CR2: variants seen among roughly 807,000 people sequenced by gnomAD.
CR2 encodes the protein complement C3d receptor 2, also known as complement receptor type 2.
A neutral mutation model predicts 123.0 loss-of-function variants in CR2; 96 were observed. That is an observed-to-expected ratio of 0.78 (90% CI 0.66 to 0.93). The LOEUF (loss-of-function observed/expected upper bound fraction) is 0.93. CR2 is among the 40% of genes least tolerant of loss of function. The pLI is 0.00. For missense variants in CR2, 1,258 were observed against 1,361.0 expected (o/e 0.92, Z 1.19); for synonymous variants, 484 against 469.5 (o/e 1.03, Z -0.40).
chr1:207,487,970 A>G (rs1658793698), intron 19 of CR2, among the ~76,000 whole-genome samples: 1 of 152,234 alleles, frequency 6.6e-6, no homozygotes, highest in Admixed American at 6.5e-5. Context: ...GAAAGGAGGT[A>G]TTAGAGAGTT....
chr1:207,487,805 G>A (rs367952576), intron 19 of CR2, among the ~76,000 whole-genome samples: 64 of 152,290 alleles, frequency 4.2e-4, no homozygotes, highest in African/African-American at 9.9e-4. Flanking sequence ...TCCTAGCTGC[G>A]TGGGCTTAGT....
chr1:207,461,239 A>G (rs1048289584), intron 1 of CR2, among the ~76,000 whole-genome samples: 1 of 152,152 alleles, frequency 6.6e-6, no homozygotes, highest in African/African-American at 2.4e-5. Context: ...CCCTTGCCAC[A>G]TGCCTTTCCT....
intron 14 of CR2, 70 bp downstream of exon 14, chr1:207,475,286 C>T: frequency 6.5e-7 from 1 of 1,534,212 alleles, no homozygotes. Flanking sequence ...TGAATCTGCA[C>T]TTGACATTCT....
chr1:207,479,244 G>T lies in CR2; in HGVS notation c.3089-13G>T, dbSNP rs530352424. 1.9e-6 allele frequency: 3 copies of T among 1,584,532 alleles called. No homozygotes were observed. Among genetic ancestry groups the T allele is most frequent in the African/African-American group, 2.7e-5 (2 of 74,388 alleles). Reference sequence around the variant, plus strand: ...TACTGATAATCATTTTCATGATTTTGTACTATTTTTAGGTTCACTTGCTCC... The same window carrying T: ...TACTGATAATCATTTTCATGATTTTTTACTATTTTTAGGTTCACTTGCTCC... On this transcript the variant is annotated splice_polypyrimidine_tract_variant and intron_variant, in intron 16 of 19. Transcript: ENST00000367057.
intron 1 of CR2, among the ~76,000 whole-genome samples, chr1:207,462,339 C>T (rs139004726): frequency 2.3e-3 from 353 of 152,192 alleles, no homozygotes; most frequent in African/African-American, 7.2e-3. Context: ...GAACTATAGG[C>T]CCTCTGAGCA....
At chr1:207,459,188 T>C (rs1657908773) in intron 1 of CR2, among the ~76,000 whole-genome samples, 1 of 152,212 alleles carries the variant, frequency 6.6e-6, no homozygotes, top group Non-Finnish European at 1.5e-5. Context: ...AAGGATGTTC[T>C]TGTAGGGTTG....
intron 1 of CR2, among the ~76,000 whole-genome samples, chr1:207,464,778 G>T (rs1247038364): frequency 2.0e-5 from 3 of 152,180 alleles, no homozygotes; most frequent in African/African-American, 7.2e-5. Flanking sequence ...TGCTTCAGGG[G>T]TGAGTTGGGC....
chr1:207,455,710 T>A (rs1390751584), intron 1 of CR2, among the ~76,000 whole-genome samples: 1 of 152,258 alleles, frequency 6.6e-6, no homozygotes, highest in Non-Finnish European at 1.5e-5. Context: ...ATTCACACTT[T>A]TTCTAAGAGC....
rs1186518400 is a variant in CR2 at position 207,489,217 on chromosome 1, T to C, written c.*94T>C. On this transcript the variant is annotated 3_prime_UTR_variant, in exon 20 of 20. Coordinates refer to ENST00000367057, the MANE Select transcript of CR2 (RefSeq NM_001006658.3). ...TCTAATATCAGCAAGTCTCTTTATATGGCCTCAAGATCAATGAAATGATGT... is the reference window on the plus strand; with the variant it reads ...TCTAATATCAGCAAGTCTCTTTATACGGCCTCAAGATCAATGAAATGATGT... 1 of 152,220 alleles carries C rather than the reference T, an allele frequency of 6.6e-6. No individual in the cohort carries two copies. Among genetic ancestry groups the C allele is most frequent in the Non-Finnish European group, 1.5e-5 (1 of 68,040 alleles). 9.4% of individuals were successfully genotyped at this position (152,220 alleles called of 1,614,324 possible). A position where few individuals can be genotyped will look rare whatever the true frequency, so the allele number is the denominator to read the frequency against.
At position 207,485,556 on chromosome 1, in the gene CR2, C is replaced by A; in HGVS notation, c.*2C>A. The A allele has an allele frequency of 6.3e-7, 1 of 1,593,916 alleles. No individual in the cohort carries two copies. The highest frequency in any genetic ancestry group is 8.6e-7 in the Non-Finnish European group (1 of 1,161,724). ...GATCCATACAACCCAGCCAGCTGATCAGAAGACAAACTGGTGGTATGTAAT... is the reference window on the plus strand; with the variant it reads ...GATCCATACAACCCAGCCAGCTGATAAGAAGACAAACTGGTGGTATGTAAT... On this transcript the variant is annotated 3_prime_UTR_variant, in exon 19 of 20. Coordinates refer to ENST00000367057, the MANE Select transcript of CR2 (RefSeq NM_001006658.3).
intron 1 of CR2, among the ~76,000 whole-genome samples, chr1:207,462,305 T>C (rs974809021): frequency 7.9e-5 from 12 of 152,158 alleles, no homozygotes; most frequent in African/African-American, 2.7e-4. Flanking sequence ...AAATAAATCA[T>C]AAATGCTACC....
At chr1:207,470,140 C>T (rs777423401) in intron 6 of CR2, 38 bp downstream of exon 6, 11 of 1,610,872 alleles carry the variant, frequency 6.8e-6, no homozygotes, top group African/African-American at 1.3e-5. Context: ...GCTTCTGATT[C>T]GTTTCTGAAA....
intron 16 of CR2, among the ~76,000 whole-genome samples, chr1:207,478,547 A>G (rs1658510049): frequency 6.9e-6 from 1 of 144,952 alleles, no homozygotes; most frequent in Admixed American, 6.9e-5. Flanking sequence ...AAAAAAAAAA[A>G]GAAAGAAAGA....
chr1:207,465,587 A>T (rs1177090146), intron 1 of CR2, among the ~76,000 whole-genome samples: 3 of 152,180 alleles, frequency 2.0e-5, no homozygotes, highest in Admixed American at 6.5e-5. Context: ...ACCCTTACTG[A>T]AACCAAGTAT....
chr1:207,462,156 G>A (rs994232684), intron 1 of CR2, among the ~76,000 whole-genome samples: 1 of 152,042 alleles, frequency 6.6e-6, no homozygotes, highest in Non-Finnish European at 1.5e-5. Flanking sequence ...AGACAGTGGG[G>A]CCTGGGAGTG....
intron 19 of CR2, among the ~76,000 whole-genome samples, chr1:207,486,769 A>G (rs1439344170): frequency 2.0e-5 from 3 of 152,264 alleles, no homozygotes; most frequent in Admixed American, 2.0e-4. Flanking sequence ...AGAGCTGTCA[A>G]TAATGACACG....
At position 207,475,140 on chromosome 1, in the gene CR2, C is replaced by T; in HGVS notation, c.2640C>T (p.Ile880=). The T allele has an allele frequency of 6.2e-7, 1 of 1,612,598 alleles. No homozygotes were observed. Among genetic ancestry groups the T allele is most frequent in the Non-Finnish European group, 8.5e-7 (1 of 1,179,404 alleles). ...ATGTTGACTGCAATCCTGGCTTCAT[C>T]ATGAATGGTAGTCGCGTGATTAGGT... ...IVYVDCNPGF[I]MNGSRVIRCH... The change falls in exon 14 of 20, where the codon ATC becomes ATT. Residue 880 remains isoleucine (I), a synonymous_variant. Transcript: ENST00000367057.
At chr1:207,471,283 G>T in intron 8 of CR2, 140 bp from the exon 9 acceptor site, 1 of 892,110 alleles carries the variant, frequency 1.1e-6, no homozygotes, top group Non-Finnish European at 1.9e-6. Flanking sequence ...TGTGCAATGA[G>T]AAGTTGGTGC....
At chr1:207,474,466 G>T (rs1240699521) in intron 13 of CR2, 143 bp downstream of exon 13, 2 of 710,892 alleles carry the variant, frequency 2.8e-6, no homozygotes, top group African/African-American at 1.8e-5. Context: ...TATGGTGTTG[G>T]TCAGTATTGA....
Sources: allele counts gnomAD v4.1 joint callset (sites outside exome capture counted in the v4.1 genomes callset), GRCh38; gene constraint gnomAD v4.1.1; transcripts MANE v1.5; gene names NCBI Gene and HGNC (gene_info 2026-07-23, HGNC 2026-07-21).